Variants in TRPV1 observed in about 807,000 individuals in gnomAD.
TRPV1 encodes the protein OTRPC1.
In TRPV1, 82 loss-of-function variants were observed where a neutral mutation model predicts 82.3. The observed-to-expected ratio is 1.00, with a 90% CI of 0.83 to 1.20. The LOEUF (loss-of-function observed/expected upper bound fraction) is 1.20, where lower values mean the gene tolerates loss of function less well. Ranked by LOEUF, TRPV1 falls within the 50% of genes most tolerant of loss-of-function variation. The pLI, the probability that TRPV1 is intolerant of heterozygous loss-of-function variation, is 0.00. For synonymous variants in TRPV1, 515 were observed against 467.7 expected (o/e 1.10, Z -1.30); for missense variants, 1,067 against 1,096.8 (o/e 0.97, Z 0.38).
In TRPV1 at chr17:3,590,109, C is replaced by A. The variant is rs1251603913; in HGVS notation, c.746-4G>T. On this transcript the variant is annotated splice_polypyrimidine_tract_variant and splice_region_variant and intron_variant, in intron 6 of 16. Transcript: ENST00000572705. ...GCCAGGGACAGGGGCAGTTCACCTG[C>A]ATGAACACAGGGCCCAGGTGGGCCT... The A allele has an allele frequency of 6.2e-7, 1 of 1,601,634 alleles. No individual in the cohort carries two copies. Among genetic ancestry groups the A allele is most frequent in the South Asian group, 1.1e-5 (1 of 89,376 alleles).
At position 3,580,510 on chromosome 17, in the gene TRPV1, C is replaced by G. The variant is rs778355222; in HGVS notation, c.1494G>C (p.Gln498His). The G allele has an allele frequency of 1.2e-6, 2 of 1,614,046 alleles. No homozygotes were observed. The change falls in exon 11 of 17, where the codon CAG (glutamine) becomes CAC (histidine). Residue 498 changes from glutamine (Q) to histidine (H), a missense_variant. Physicochemically the swap from Gln to His is conservative, Grantham distance 24. Coordinates refer to ENST00000572705, the MANE Select transcript of TRPV1 (RefSeq NM_080704.4). ...ACAGGGTCTTCATCGACGGCCGCCT[C>G]TGCAGGAAATACTGAATCTGCAGGT... ...FFFRGIQYFL[Q>H]RRPSMKTLFV...
At chr17:3,583,475 C>T (rs201754055) in intron 9 of TRPV1, 45 bp from the exon 10 acceptor site, 9 of 1,459,870 alleles carry the variant, frequency 6.2e-6, no homozygotes, top group Non-Finnish European at 8.5e-6. Context: ...CTCATTCGTT[C>T]ATTCAACAAA....
chr17:3,576,081 G>A (rs1202686199), intron 13 of TRPV1, among the ~76,000 whole-genome samples: 1 of 151,826 alleles, frequency 6.6e-6, no homozygotes, highest in Non-Finnish European at 1.5e-5. Flanking sequence ...AAATAGCCAG[G>A]TGTGGTGGCG....
At chr17:3,576,677 A>ATATATATATG (rs138645840) in intron 13 of TRPV1, among the ~76,000 whole-genome samples, 11,020 of 94,340 alleles carry the variant, frequency 0.12, 1,180 homozygotes, top group South Asian at 0.19. Flanking sequence ...AAATATATAT[A>ATATATATATG]TATATATATA....
rs2075322326 is a variant in TRPV1 at position 3,609,350 on chromosome 17, A to AGAGAGAGAGAGAGAGAGAGAG, written c.-215_-214insCTCTCTCTCTCTCTCTCTCTC. The stretch of plus-strand genomic sequence containing the variant: ...GAGAGAGAGAGAGAGAGAGAGAGAG[A>AGAGAGAGAGAGAGAGAGAGAG]ATACGACTGCTTCCCAAACTCGTGG... On this transcript the variant is annotated 5_prime_UTR_variant, in exon 1 of 17. Coordinates refer to ENST00000572705, the MANE Select transcript of TRPV1 (RefSeq NM_080704.4). The AGAGAGAGAGAGAGAGAGAGAG allele has an allele frequency of 6.7e-6, 1 of 148,736 alleles. No homozygotes were observed. Among genetic ancestry groups the AGAGAGAGAGAGAGAGAGAGAG allele is most frequent in the African/African-American group, 2.5e-5 (1 of 40,714 alleles). 9.2% of individuals were successfully genotyped at this position (148,736 alleles called of 1,614,324 possible). A position where few individuals can be genotyped will look rare whatever the true frequency, so the allele number is the denominator to read the frequency against.
chr17:3,592,345 C>G lies in TRPV1; in HGVS notation c.6G>C (p.Lys2Asn), dbSNP rs9894618. M[K>N]KWSSTDLGAA... ...CCCCCAAGTCTGTGCTGCTCCATTT[C>G]TTCATCCTTGCTGGATCCTCTGTGG... Residue 2 changes from lysine (K) to asparagine (N), a missense_variant, in exon 3 of 17, where the codon AAG becomes AAC. Coordinates refer to ENST00000572705, the MANE Select transcript of TRPV1 (RefSeq NM_080704.4). 3 of 1,590,792 alleles carry G rather than the reference C, an allele frequency of 1.9e-6. No individual in the cohort carries two copies. In the Admixed American group the frequency reaches 5.3e-5, roughly 28 times the overall value.
chr17:3,600,878 T>G (rs1319000911), intron 2 of TRPV1, among the ~76,000 whole-genome samples: 1 of 152,126 alleles, frequency 6.6e-6, no homozygotes, highest in Non-Finnish European at 1.5e-5. Flanking sequence ...GCTCCACCAC[T>G]GTCCTTGGAG....
chr17:3,592,865 G>C (rs2075177773), intron 2 of TRPV1: 1 of 153,634 alleles, frequency 6.5e-6, no homozygotes, highest in African/African-American at 2.7e-5. Flanking sequence ...CCCTGGAATA[G>C]GGTGAGCGGC....
At chr17:3,588,826 A>AAC (rs1555550921) in intron 7 of TRPV1, 19,606 of 1,267,692 alleles carry the variant, frequency 0.015, 53 homozygotes, top group East Asian at 0.044. Flanking sequence ...AAAAAAAAAA[A>AAC]AAAACAAAAC....
In TRPV1 at chr17:3,585,780, G is replaced by T; in HGVS notation, c.1371C>A (p.Pro457=). 6.2e-7 allele frequency: 1 copy of T among 1,613,102 alleles called. No homozygotes were observed. Among genetic ancestry groups the T allele is most frequent in the South Asian group, 1.1e-5 (1 of 90,894 alleles). The change falls in exon 9 of 17, where the codon CCC becomes CCA. Residue 457 remains proline, a synonymous_variant. Transcript: ENST00000572705. ...CCTCTGGCCGCACCAAGCCATCCAC[G>T]GGCCTGTAGTAGGCAGCCATGGTGA... is the stretch of plus-strand genomic sequence containing the variant. The part of the protein sequence containing the change: ...IIFTMAAYYR[P]VDGLPPFKME...
chr17:3,576,668 A>AAAAAAAAAAAAAAAAAATATAT, intron 13 of TRPV1, among the ~76,000 whole-genome samples: 14 of 38,418 alleles, frequency 3.6e-4, no homozygotes, highest in Non-Finnish European at 6.8e-4. Flanking sequence ...AAAAAAAAAA[A>AAAAAAAAAAAAAAAAAATATAT]ATATATATAT....
chr17:3,579,342 G>A (rs1448782571), intron 11 of TRPV1, among the ~76,000 whole-genome samples: 1 of 152,164 alleles, frequency 6.6e-6, no homozygotes, highest in Non-Finnish European at 1.5e-5. Flanking sequence ...GTTCTTCCAG[G>A]AAGGAAGAGA....
At position 3,566,934 on chromosome 17, in the gene TRPV1, T is replaced by G; in HGVS notation, c.2401A>C (p.Ser801Arg). Residue 801 changes from serine to arginine, a missense_variant, in exon 17 of 17, where the codon AGT (serine) becomes CGT (arginine). By Grantham distance (110) the Ser-to-Arg change is moderately radical (BLOSUM62 -1). Coordinates refer to ENST00000572705, the MANE Select transcript of TRPV1 (RefSeq NM_080704.4). ...FALVPLLREA[S>R]ARDRQSAQPE... ...TGAGCAGACTGCCTATCTCGAGCAC[T>G]TGCCTCTCTTAAAAGGGGGACCAGG... The G allele has an allele frequency of 1.2e-6, 2 of 1,613,962 alleles. No homozygotes were observed. The highest frequency in any genetic ancestry group is 1.7e-6 in the Non-Finnish European group (2 of 1,179,878).
At chr17:3,569,773 G>A (rs2074822155) in intron 16 of TRPV1, among the ~76,000 whole-genome samples, 1 of 152,196 alleles carries the variant, frequency 6.6e-6, no homozygotes, top group African/African-American at 2.4e-5. Flanking sequence ...GGTGATCAGA[G>A]AGTGGCTCAG....
intron 2 of TRPV1, chr17:3,592,604 G>A (rs2075173510): frequency 3.7e-6 from 2 of 546,056 alleles, no homozygotes; most frequent in South Asian, 2.3e-5. Flanking sequence ...GCAGTCCTGC[G>A]GCCACTGACG....
chr17:3,585,697 C>A (rs2075075269), intron 9 of TRPV1, 71 bp downstream of exon 9: 19 of 1,534,858 alleles, frequency 1.2e-5, no homozygotes, highest in Non-Finnish European at 1.7e-5. Context: ...TCGGGGAGGT[C>A]TCCCGAAATG....
intron 16 of TRPV1, among the ~76,000 whole-genome samples, chr17:3,568,575 G>A (rs775914674): frequency 2.6e-5 from 4 of 152,020 alleles, no homozygotes; most frequent in African/African-American, 7.2e-5. Context: ...ATAGATTTTC[G>A]CTTCCAGCTA....
chr17:3,573,532 G>GCCCCGCCCCCCC (rs2074887240), intron 14 of TRPV1, 101 bp downstream of exon 14: 1 of 255,776 alleles, frequency 3.9e-6, no homozygotes, highest in Non-Finnish European at 7.7e-6. Flanking sequence ...GCCACACACC[G>GCCCCGCCCCCCC]CCCCCACCAC....
chr17:3,568,025 T>A (rs189066997), intron 16 of TRPV1, among the ~76,000 whole-genome samples: 145 of 152,166 alleles, frequency 9.5e-4, no homozygotes, highest in African/African-American at 3.3e-3. Flanking sequence ...AAGAGTGACA[T>A]TGAAAAACTA....
Sources: allele counts gnomAD v4.1 joint callset (sites outside exome capture counted in the v4.1 genomes callset), GRCh38; gene constraint gnomAD v4.1.1; transcripts MANE v1.5; gene names NCBI Gene and HGNC (gene_info 2026-07-23, HGNC 2026-07-21).